TDRD6: variants seen among roughly 807,000 people sequenced by gnomAD.
The protein encoded by TDRD6 is tudor domain-containing protein 6.
Under a neutral mutation model 157.5 loss-of-function variants are expected in TDRD6, and 186 were observed. That is an observed-to-expected ratio of 1.18 (90% CI 1.05 to 1.33). The LOEUF is 1.33. Among genes scored for constraint, TDRD6 ranks in the 40% most tolerant of loss-of-function variants. The pLI, the probability that TDRD6 is intolerant of heterozygous loss-of-function variation, is 0.00. For missense variants in TDRD6, 3,066 were observed against 2,508.0 expected (o/e 1.22, Z -4.75); for synonymous variants, 1,075 against 945.2 (o/e 1.14, Z -2.52).
At chr6:46,700,721 C>T (rs963745769) in intron 3 of TDRD6, among the ~76,000 whole-genome samples, 5 of 152,070 alleles carry the variant, frequency 3.3e-5, no homozygotes, top group Admixed American at 3.3e-4. Context: ...TCACCAATTA[C>T]CAGAGTTGTT....
In TDRD6 at chr6:46,692,141, T is replaced by A; in HGVS notation, c.4013T>A (p.Leu1338Ter). The A allele has an allele frequency of 6.2e-7, 1 of 1,614,086 alleles. No homozygotes were observed. Among genetic ancestry groups the A allele is most frequent in the Non-Finnish European group, 8.5e-7 (1 of 1,179,964 alleles). The change falls in exon 1 of 4, where the codon TTA (leucine) becomes TAA (stop). Residue 1338 changes from leucine (L) to a stop codon, truncating the protein, a stop_gained. Transcript: ENST00000316081. LOFTEE classifies it high-confidence loss of function. The stretch of plus-strand genomic sequence containing the variant: ...GAAATTAGTCATCTTTCAGAGAGAT[T>A]AAACAGTGTTAAAACAAGGCCCGAA... ...EAEISHLSER[L>*]NSVKTRPEYY...
chr6:46,695,694 C>T lies in TDRD6; in HGVS notation c.6047-127C>T, dbSNP rs1562059832. 1.6e-5 allele frequency: 14 copies of T among 887,834 alleles called. No individual in the cohort carries two copies. The East Asian group carries it at 3.2e-4, about 20-fold the overall frequency. 55.0% of individuals were successfully genotyped at this position (887,834 alleles called of 1,614,324 possible). On this transcript the variant is annotated intron_variant, in intron 1 of 3. Coordinates refer to ENST00000316081, the MANE Select transcript of TDRD6 (RefSeq NM_001010870.3). ...AACAAAATTGAGGGAGACAGTCATA[C>T]CAATGTACTAATTACATGATATTGA...
chr6:46,698,294 C>T (rs1484108641), intron 3 of TDRD6, among the ~76,000 whole-genome samples: 1 of 152,008 alleles, frequency 6.6e-6, no homozygotes, highest in Non-Finnish European at 1.5e-5. Context: ...TGTTTTACTC[C>T]TTGATTAGAA....
Position 46,689,870 on chromosome 6 carries a change from A to T in TDRD6, c.1742A>T (p.Tyr581Phe), listed in dbSNP as rs748479675. The T allele has an allele frequency of 3.7e-5, 60 of 1,614,088 alleles. No individual in the cohort carries two copies. Among genetic ancestry groups the T allele is most frequent in the Non-Finnish European group, 4.9e-5 (58 of 1,180,052 alleles). The change falls in exon 1 of 4, where the codon TAT (tyrosine) becomes TTT (phenylalanine). Residue 581 changes from tyrosine (Y) to phenylalanine (F), a missense_variant. Transcript: ENST00000316081. Reference protein sequence around the residue: ...DRGNSENVDWYDVRMLLPQFR... With the variant: ...DRGNSENVDWFDVRMLLPQFR... ...GGCAATTCGGAAAATGTGGACTGGT[A>T]TGACGTAAGGATGCTGCTTCCTCAG...
chr6:46,691,564 AT>A lies in TDRD6; in HGVS notation c.3438del (p.Gln1147LysfsTer19). On this transcript the variant is annotated frameshift_variant, in exon 1 of 4. Transcript: ENST00000316081. LOFTEE classifies it high-confidence loss of function. Reference protein sequence around the residue: ...TLIIELYGDNIQISASINKKL... With the variant: ...TLIIELYGDNXQISASINKKL... ...GATTATAGAACTATATGGTGACAAT[AT>A]TCAAATTAGTGCTAGTATTAATAAG... 6.2e-7 allele frequency: 1 copy of A among 1,613,656 alleles called. No individual in the cohort carries two copies. The highest frequency in any genetic ancestry group is 8.5e-7 in the Non-Finnish European group (1 of 1,179,750).
rs771290114 is a variant in TDRD6, at chr6:46,688,162, G to A, written c.34G>A (p.Ala12Thr). 6.5e-7 allele frequency: 1 copy of A among 1,545,618 alleles called. No individual in the cohort carries two copies. Among genetic ancestry groups the A allele is most frequent in the African/African-American group, 1.4e-5 (1 of 72,244 alleles). ...CSTPGMPAPG[A>T]SLALRVSFVD... Reference sequence around the variant, plus strand: ...GACGCCCGGAATGCCGGCGCCGGGGGCCTCGCTGGCCCTGCGGGTGTCCTT... The same window carrying A: ...GACGCCCGGAATGCCGGCGCCGGGGACCTCGCTGGCCCTGCGGGTGTCCTT... The change falls in exon 1 of 4, where the codon GCC becomes ACC. Residue 12 changes from alanine to threonine, a missense_variant. Transcript: ENST00000316081.
At chr6:46,684,778 T>G (rs1764050718), upstream of TDRD6, among the ~76,000 whole-genome samples, 1 of 152,078 alleles carries the variant, frequency 6.6e-6, no homozygotes, top group Non-Finnish European at 1.5e-5. Flanking sequence ...TTAGGTTGTT[T>G]CCAGTTTTGG....
chr6:46,689,567 C>T lies in TDRD6; in HGVS notation c.1439C>T (p.Ser480Phe). 6.2e-7 allele frequency: 1 copy of T among 1,614,146 alleles called. No homozygotes were observed. Among genetic ancestry groups the T allele is most frequent in the Non-Finnish European group, 8.5e-7 (1 of 1,180,028 alleles). The change falls in exon 1 of 4, where the codon TCT (serine) becomes TTT (phenylalanine). Residue 480 changes from serine (S) to phenylalanine (F), a missense_variant. Ser to Phe is a radical substitution (Grantham distance 155). Coordinates refer to ENST00000316081, the MANE Select transcript of TDRD6 (RefSeq NM_001010870.3). The part of the protein sequence containing the change: ...DEEISLPALR[S>F]IRLKMNAFYD... ...GAGATTTCACTCCCAGCCTTAAGAT[C>T]TATCAGGTTAAAGATGAATGCCTTC...
upstream of TDRD6, among the ~76,000 whole-genome samples, chr6:46,686,630 T>C (rs910842053): frequency 6.6e-6 from 1 of 152,126 alleles, no homozygotes; most frequent in Admixed American, 6.5e-5. Flanking sequence ...AATGGGAAAA[T>C]TGAGTTTTCA....
chr6:46,689,675 T>C lies in TDRD6; in HGVS notation c.1547T>C (p.Leu516Pro), dbSNP rs146116254. The change falls in exon 1 of 4, where the codon CTG (leucine) becomes CCG (proline). Residue 516 changes from leucine (L) to proline (P), a missense_variant. Transcript: ENST00000316081. ...AAACACAATGTCACCTTCAGTAAGC[T>C]GATGAGGAGAATGTGTGGTTTCTAT... ...LRKHNVTFSK[L>P]MRRMCGFYSS... The C allele has an allele frequency of 1.2e-6, 2 of 1,614,106 alleles. No homozygotes were observed. Among genetic ancestry groups the C allele is most frequent in the African/African-American group, 2.7e-5 (2 of 74,932 alleles).
chr6:46,702,537 C>G lies in TDRD6; in HGVS notation c.*650C>G, dbSNP rs769041285. 7 of 152,086 alleles carry G rather than the reference C, an allele frequency of 4.6e-5. No homozygotes were observed. Among genetic ancestry groups the G allele is most frequent in the Non-Finnish European group, 7.4e-5 (5 of 67,996 alleles). The allele number at this position is 152,086 out of a possible 1,614,324, so 9.4% of individuals were successfully genotyped here. ...AAAGCATAGTAATATTAAATGTTAGCTCTTATGTATTAGTCACTTAGCTTA... is the reference window on the plus strand; with the variant it reads ...AAAGCATAGTAATATTAAATGTTAGGTCTTATGTATTAGTCACTTAGCTTA... On this transcript the variant is annotated 3_prime_UTR_variant, in exon 4 of 4. Transcript: ENST00000316081.
rs745724876 is a variant in TDRD6 at position 46,690,119 on chromosome 6, G to C, written c.1991G>C (p.Gly664Ala). Residue 664 changes from glycine to alanine, a missense_variant, in exon 1 of 4, where the codon GGA becomes GCA. Transcript: ENST00000316081. The part of the protein sequence containing the change: ...ENISKVIAQA[G>A]YAKYQEFETK... ...ATTAGTAAGGTAATTGCCCAAGCTG[G>C]ATATGCCAAGTATCAGGAATTTGAA... The C allele has an allele frequency of 5.0e-6, 8 of 1,613,530 alleles. No individual in the cohort carries two copies. In the African/African-American group the frequency reaches 6.7e-5, roughly 13 times the overall value.
At position 46,688,392 on chromosome 6, in the gene TDRD6, C is replaced by T; in HGVS notation, c.264C>T (p.Ser88=). ...GLLWHRCRVV[S]RQAQESRVFL... is the part of the protein sequence containing the mutation. ...TGTGGCACCGCTGCCGCGTGGTCAGCCGGCAGGCACAGGAGAGCCGTGTCT... is the reference window on the plus strand; with the variant it reads ...TGTGGCACCGCTGCCGCGTGGTCAGTCGGCAGGCACAGGAGAGCCGTGTCT... Residue 88 remains serine (S), a synonymous_variant, in exon 1 of 4, where the codon AGC becomes AGT. Coordinates refer to ENST00000316081, the MANE Select transcript of TDRD6 (RefSeq NM_001010870.3). The T allele has an allele frequency of 6.5e-7, 1 of 1,536,646 alleles. No individual in the cohort carries two copies.
upstream of TDRD6, among the ~76,000 whole-genome samples, chr6:46,687,301 C>CAGCAAAGG (rs1268639730): frequency 1.3e-5 from 2 of 152,180 alleles, no homozygotes; most frequent in African/African-American, 4.8e-5. Flanking sequence ...CAGAGTTAGA[C>CAGCAAAGG]AGCAAAGGAG....
At chr6:46,685,793 C>G (rs1230116254), upstream of TDRD6, among the ~76,000 whole-genome samples, 2 of 152,094 alleles carry the variant, frequency 1.3e-5, no homozygotes, top group African/African-American at 4.8e-5. Context: ...TCCCCTCTCC[C>G]TTCTTTTCCG....
chr6:46,682,099 A>G, the TDRD6 span, among the ~76,000 whole-genome samples: 1 of 152,122 alleles, frequency 6.6e-6, no homozygotes, highest in South Asian at 2.1e-4. Context: ...TTAAAAATCC[A>G]TGTACGTAGA....
chr6:46,703,425 A>C lies in TDRD6; in HGVS notation c.*1538A>C, dbSNP rs1468923123. 6.6e-6 allele frequency: 1 copy of C among 152,244 alleles called. No homozygotes were observed. The highest frequency in any genetic ancestry group is 1.5e-5 in the Non-Finnish European group (1 of 67,972). 9.4% of individuals were successfully genotyped at this position (152,244 alleles called of 1,614,324 possible). The stretch of plus-strand genomic sequence containing the variant: ...GTGAATTGCCAGAAGCAAAGCTCAG[A>C]GAAGATGCATTAGGATCAGATTATA... On this transcript the variant is annotated 3_prime_UTR_variant, in exon 4 of 4. Transcript: ENST00000316081.
chr6:46,690,627 G>T lies in TDRD6; in HGVS notation c.2499G>T (p.Trp833Cys), dbSNP rs1764282362. ...CLAKRTVNRQ[W>C]SRALISGIQS... ...CTAAGCGAACAGTAAACAGACAGTG[G>T]TCCAGAGCACTTATTAGTGGGATAC... is the stretch of plus-strand genomic sequence containing the variant. Residue 833 changes from tryptophan (W) to cysteine (C), a missense_variant, in exon 1 of 4, where the codon TGG (tryptophan) becomes TGT (cysteine). Transcript: ENST00000316081. The T allele has an allele frequency of 6.2e-7, 1 of 1,614,170 alleles. No individual in the cohort carries two copies. The highest frequency in any genetic ancestry group is 1.7e-5 in the Admixed American group (1 of 60,022).
In TDRD6 at chr6:46,692,815, A is replaced by C. The variant is rs1764377140; in HGVS notation, c.4687A>C (p.Asn1563His). ...TGGAGAACAGGTAGCAGACAGGAGAAATTGTATCCCATGTCCTTATATTGG... is the reference window on the plus strand; with the variant it reads ...TGGAGAACAGGTAGCAGACAGGAGACATTGTATCCCATGTCCTTATATTGG... Reference protein sequence around the residue: ...TAGEQVADRRNCIPCPYIGDP... With the variant: ...TAGEQVADRRHCIPCPYIGDP... The change falls in exon 1 of 4, where the codon AAT (asparagine) becomes CAT (histidine). Residue 1563 changes from asparagine (N) to histidine (H), a missense_variant. Coordinates refer to ENST00000316081, the MANE Select transcript of TDRD6 (RefSeq NM_001010870.3). 1 of 1,614,096 alleles carries C rather than the reference A, an allele frequency of 6.2e-7. No homozygotes were observed. The highest frequency in any genetic ancestry group is 1.7e-5 in the Admixed American group (1 of 60,010).
Sources: allele counts gnomAD v4.1 joint callset (sites outside exome capture counted in the v4.1 genomes callset), GRCh38; gene constraint gnomAD v4.1.1; transcripts MANE v1.5; gene names NCBI Gene and HGNC (gene_info 2026-07-23, HGNC 2026-07-21).